HECTD4: variants seen among roughly 807,000 people sequenced by gnomAD.
HECTD4 encodes the protein HECT domain E3 ubiquitin protein ligase 4, also known as probable E3 ubiquitin-protein ligase HECTD4.
HECTD4 carries 114 observed loss-of-function variants against 471.5 expected under a neutral mutation model. The observed-to-expected ratio is 0.24, with a 90% CI of 0.21 to 0.28. HECTD4 has a LOEUF of 0.28. HECTD4 is among the 10% of genes least tolerant of loss of function. The probability of loss-of-function intolerance (pLI) is 1.00; values close to 1 mark genes in which losing one functional copy is unlikely to be tolerated. For missense variants in HECTD4, 3,866 were observed against 5,651.5 expected (o/e 0.68, Z 10.13); for synonymous variants, 2,012 against 2,256.0 (o/e 0.89, Z 3.07).
At chr12:112,189,466 G>A (rs1263591717) in intron 60 of HECTD4, among the ~76,000 whole-genome samples, 1 of 36,782 alleles carries the variant, frequency 2.7e-5, no homozygotes, top group Non-Finnish European at 6.0e-5. Flanking sequence ...GCAGGAGAAT[G>A]GCATGAACCC....
intron 37 of HECTD4, among the ~76,000 whole-genome samples, chr12:112,234,256 CA>C (rs1399371069): frequency 1.3e-5 from 2 of 151,820 alleles, no homozygotes; most frequent in African/African-American, 2.4e-5. Flanking sequence ...CTTGGTTCTC[CA>C]AAAAAAATCT....
At position 112,213,010 on chromosome 12, in the gene HECTD4, G is replaced by C. The variant is rs893641959; in HGVS notation, c.7466-360C>G. Among the ~76,000 whole-genome samples, 2 of 152,140 alleles carry C rather than the reference G, an allele frequency of 1.3e-5. No homozygotes were observed. The highest frequency in any genetic ancestry group is 1.5e-5 in the Non-Finnish European group (1 of 68,028). ...AGGGTTTTGCCATGTTGGCCAGACT[G>C]GTCTCGAACTGTTGACCTCAGGCAA... On this transcript the variant is annotated intron_variant, in intron 48 of 75. Coordinates refer to ENST00000682272, the MANE Select transcript of HECTD4 (RefSeq NM_001388303.1). This position sits in a 1 kb window ranked among gnomAD's most constrained non-coding sequence, Gnocchi z 4.0.
chr12:112,264,802 T>A (rs2034230423), intron 16 of HECTD4, among the ~76,000 whole-genome samples: 1 of 152,224 alleles, frequency 6.6e-6, no homozygotes. Flanking sequence ...TCTTGCTCTG[T>A]CACCCAGGCT....
intron 2 of HECTD4, among the ~76,000 whole-genome samples, chr12:112,318,441 C>T (rs915856121): frequency 6.6e-6 from 1 of 151,906 alleles, no homozygotes; most frequent in African/African-American, 2.4e-5. Flanking sequence ...GTGGCGCCAA[C>T]TTGGCTCACT....
At chr12:112,369,082 C>T (rs988195202) in intron 1 of HECTD4, among the ~76,000 whole-genome samples, 42 of 152,252 alleles carry the variant, frequency 2.8e-4, no homozygotes, top group African/African-American at 9.4e-4. Flanking sequence ...TCATTGTTTC[C>T]CTCCTGCCTA....
intron 20 of HECTD4, 58 bp from the exon 21 acceptor site, chr12:112,256,576 T>C (rs2034014333): frequency 8.1e-7 from 1 of 1,241,104 alleles, no homozygotes; most frequent in Non-Finnish European, 1.1e-6. Flanking sequence ...AAAAACAATG[T>C]AAACATTAAA....
rs1052703236 is a variant in HECTD4 at position 112,179,278 on chromosome 12, G to T, written c.11107C>A (p.Leu3703Ile). 1.2e-6 allele frequency: 2 copies of T among 1,613,642 alleles called. No homozygotes were observed. Among genetic ancestry groups the T allele is most frequent in the Non-Finnish European group, 1.7e-6 (2 of 1,179,734 alleles). ...AKPIRVSDIY[L>I]SKEQINSQTP... ...TGGGAGTTGATCTGCTCTTTGCTAA[G>T]ATAAATGTCAGAGACTCTGATGGGC... The change falls in exon 63 of 76, where the codon CTT becomes ATT. Residue 3703 changes from leucine to isoleucine, a missense_variant. Physicochemically the swap from Leu to Ile is conservative, Grantham distance 5. Around this residue, in one of 16 missense-constraint regions of HECTD4, gnomAD observed 715 missense variants for 1,087.6 expected, o/e 0.66. Coordinates refer to ENST00000682272, the MANE Select transcript of HECTD4 (RefSeq NM_001388303.1). The surrounding 1 kb of genome is among the most constrained non-coding windows in gnomAD (Gnocchi z 4.3).
At chr12:112,355,344 C>T (rs1223410636) in intron 1 of HECTD4, among the ~76,000 whole-genome samples, 1 of 151,206 alleles carries the variant, frequency 6.6e-6, no homozygotes, top group African/African-American at 2.4e-5. Context: ...ACCTGTAATC[C>T]CAGCTACTCG....
chr12:112,246,622 G>A (rs2033769110), intron 29 of HECTD4, among the ~76,000 whole-genome samples: 1 of 152,160 alleles, frequency 6.6e-6, no homozygotes, highest in Non-Finnish European at 1.5e-5. Context: ...GCGACAGAGT[G>A]AGACTCAGTC....
At chr12:112,172,225 G>A (rs2031251910) in intron 67 of HECTD4, among the ~76,000 whole-genome samples, 1 of 152,208 alleles carries the variant, frequency 6.6e-6, no homozygotes, top group African/African-American at 2.4e-5. Flanking sequence ...TTCTCTCTTT[G>A]GAAACACAGG....
chr12:112,323,074 A>G, intron 1 of HECTD4: 1 of 216,510 alleles, frequency 4.6e-6, no homozygotes, highest in Non-Finnish European at 9.1e-6. Context: ...AAAGCAAAGA[A>G]AGCTGCTCAA....
chr12:112,182,729 C>T (rs1187522709), intron 62 of HECTD4, among the ~76,000 whole-genome samples: 6 of 152,402 alleles, frequency 3.9e-5, no homozygotes, highest in Middle Eastern at 6.8e-3. Flanking sequence ...CCAGCTGGAA[C>T]GCGGCAGGCC....
chr12:112,162,895 G>C lies in HECTD4; in HGVS notation c.13120+147C>G. The C allele has an allele frequency of 3.0e-6, 2 of 659,092 alleles. No individual in the cohort carries two copies. The highest frequency in any genetic ancestry group is 2.0e-5 in the South Asian group (1 of 50,420). The allele number at this position is 659,092 out of a possible 1,614,324, so 40.8% of individuals were successfully genotyped here. A position where few individuals can be genotyped will look rare whatever the true frequency, so the allele number is the denominator to read the frequency against. On this transcript the variant is annotated intron_variant, in intron 75 of 75. Coordinates refer to ENST00000682272, the MANE Select transcript of HECTD4 (RefSeq NM_001388303.1). The surrounding 1 kb of genome is among the most constrained non-coding windows in gnomAD (Gnocchi z 5.2). ...CAGGCCTGTATGGCTGGTTCCTGCC[G>C]GGCCCTAATCCTCAATGATGTCTGA...
Position 112,162,187 on chromosome 12 carries a change from A to G in HECTD4, c.*200T>C, listed in dbSNP as rs779970646. ...ACAAATAGACCACAAACAGGCAGCA[A>G]AAGAACCAACCCATCACGAAACGTA... is the stretch of plus-strand genomic sequence containing the variant. On this transcript the variant is annotated 3_prime_UTR_variant, in exon 76 of 76. Coordinates refer to ENST00000682272, the MANE Select transcript of HECTD4 (RefSeq NM_001388303.1). The surrounding 1 kb of genome is among the most constrained non-coding windows in gnomAD (Gnocchi z 5.2). 8 of 578,412 alleles carry G rather than the reference A, an allele frequency of 1.4e-5. No individual in the cohort carries two copies. The highest frequency in any genetic ancestry group is 3.7e-5 in the African/African-American group (2 of 53,538). 35.8% of individuals were successfully genotyped at this position (578,412 alleles called of 1,614,324 possible). A position where few individuals can be genotyped will look rare whatever the true frequency, so the allele number is the denominator to read the frequency against.
At chr12:112,231,121 C>T (rs368902932) in intron 39 of HECTD4, 11 of 451,136 alleles carry the variant, frequency 2.4e-5, no homozygotes, top group East Asian at 3.9e-5. Context: ...CAAAACACCT[C>T]GAACCAACTT....
intron 19 of HECTD4, 110 bp downstream of exon 19, chr12:112,259,002 G>A: frequency 1.1e-6 from 1 of 931,118 alleles, no homozygotes; most frequent in South Asian, 1.9e-5. Flanking sequence ...ATTTCCCTTG[G>A]TTTCTGAAAG....
chr12:112,300,390 C>T (rs758154185), intron 7 of HECTD4, among the ~76,000 whole-genome samples: 108 of 151,606 alleles, frequency 7.1e-4, no homozygotes, highest in African/African-American at 3.1e-4. Flanking sequence ...GCTCCATTTT[C>T]GCATCCAGGA....
At chr12:112,294,485 A>G (rs1339437559) in intron 7 of HECTD4, among the ~76,000 whole-genome samples, 1 of 152,220 alleles carries the variant, frequency 6.6e-6, no homozygotes, top group East Asian at 1.9e-4. Context: ...TTTAAAATCT[A>G]TTCAATAACT....
At chr12:112,174,301 G>A (rs2031353794) in intron 66 of HECTD4, among the ~76,000 whole-genome samples, 1 of 145,758 alleles carries the variant, frequency 6.9e-6, no homozygotes, top group Non-Finnish European at 1.5e-5. Context: ...TGTGGCTCTT[G>A]TTGGCCGGGC....
Sources: allele counts gnomAD v4.1 joint callset (sites outside exome capture counted in the v4.1 genomes callset), GRCh38; gene constraint gnomAD v4.1.1; regional missense constraint gnomAD v4.1.1; non-coding constraint Gnocchi (gnomAD v3.1); transcripts MANE v1.5; gene names NCBI Gene and HGNC (gene_info 2026-07-23, HGNC 2026-07-21).